The following NCALD variants were observed in gnomAD, a reference collection of about 807,000 sequenced individuals.
NCALD encodes neurocalcin delta, also known as neurocalcin-delta.
Under a neutral mutation model 18.6 loss-of-function variants are expected in NCALD, and 10 were observed. That is an observed-to-expected ratio of 0.54 (90% CI 0.33 to 0.91). NCALD has a LOEUF of 0.91. Among genes scored for constraint, NCALD ranks in the 40% least tolerant of loss-of-function variants. The pLI is 0.03. For missense variants in NCALD, 184 were observed against 247.6 expected (o/e 0.74, Z 1.72); for synonymous variants, 88 against 87.4 (o/e 1.01, Z -0.04).
At chr8:101,984,315 C>G (rs1274159145) in intron 2 of NCALD, among the ~76,000 whole-genome samples, 1 of 152,190 alleles carries the variant, frequency 6.6e-6, no homozygotes, top group Non-Finnish European at 1.5e-5. Flanking sequence ...TAGACTTCTT[C>G]CAACATAGGG....
chr8:102,054,209 A>C (rs887594736), intron 1 of NCALD, among the ~76,000 whole-genome samples: 1 of 152,194 alleles, frequency 6.6e-6, no homozygotes, highest in Non-Finnish European at 1.5e-5. Context: ...GGTTTACAAA[A>C]TGAATAGTGT....
chr8:101,818,134 C>A (rs753630994), intron 4 of NCALD, among the ~76,000 whole-genome samples: 1 of 152,094 alleles, frequency 6.6e-6, no homozygotes, highest in African/African-American at 2.4e-5. Flanking sequence ...AATTATAAAA[C>A]ATTATAAAGG....
chr8:101,728,409 C>A (rs985783744), intron 1 of NCALD, among the ~76,000 whole-genome samples: 6 of 152,214 alleles, frequency 3.9e-5, no homozygotes, highest in African/African-American at 1.4e-4. Flanking sequence ...AGCCTCAATG[C>A]AAACTGCACC....
chr8:102,095,042 T>C (rs1187259970), intron 1 of NCALD, among the ~76,000 whole-genome samples: 4 of 152,248 alleles, frequency 2.6e-5, no homozygotes, highest in Non-Finnish European at 4.4e-5. Context: ...TTCTAATTTG[T>C]TGCAGTAGCC....
chr8:101,793,142 A>G (rs1339127029), upstream of NCALD, among the ~76,000 whole-genome samples: 1 of 152,110 alleles, frequency 6.6e-6, no homozygotes, highest in East Asian at 1.9e-4. Flanking sequence ...CAAGGTCAGG[A>G]GATCAAGACC....
intron 1 of NCALD, among the ~76,000 whole-genome samples, chr8:101,730,373 G>A (rs527644150): frequency 4.4e-4 from 67 of 151,096 alleles, no homozygotes; most frequent in South Asian, 2.3e-3. Flanking sequence ...CCAGCTACTC[G>A]GGAGGCTGAG....
At chr8:101,972,225 T>G (rs1820266473) in intron 2 of NCALD, among the ~76,000 whole-genome samples, 1 of 152,190 alleles carries the variant, frequency 6.6e-6, no homozygotes, top group Non-Finnish European at 1.5e-5. Context: ...GCACCAGGAC[T>G]TCTGGAAAAG....
intron 2 of NCALD, among the ~76,000 whole-genome samples, chr8:101,696,511 G>C (rs1814999861): frequency 6.6e-6 from 1 of 152,162 alleles, no homozygotes; most frequent in Non-Finnish European, 1.5e-5. Flanking sequence ...CCATGTGGAA[G>C]CCCAGAGTGG....
At chr8:101,906,015 T>C (rs1303383857) in intron 3 of NCALD, among the ~76,000 whole-genome samples, 1 of 152,238 alleles carries the variant, frequency 6.6e-6, no homozygotes, top group Non-Finnish European at 1.5e-5. Flanking sequence ...ATGTGATTCA[T>C]TTATGCAAAT....
intron 1 of NCALD, among the ~76,000 whole-genome samples, chr8:101,721,912 G>T (rs1287188097): frequency 1.3e-5 from 2 of 151,180 alleles, no homozygotes; most frequent in African/African-American, 4.9e-5. Context: ...TGCAATCATG[G>T]CCCACTGCAG....
intron 2 of NCALD, among the ~76,000 whole-genome samples, chr8:101,941,167 C>A (rs1213842941): frequency 1.3e-5 from 2 of 152,204 alleles, no homozygotes; most frequent in Non-Finnish European, 1.5e-5. Flanking sequence ...GGTCCCCAAC[C>A]TTTATGACAC....
chr8:102,069,103 G>C (rs1225281241), intron 1 of NCALD, among the ~76,000 whole-genome samples: 1 of 151,904 alleles, frequency 6.6e-6, no homozygotes, highest in Non-Finnish European at 1.5e-5. Flanking sequence ...GAAGGAATAA[G>C]TTTTAGGGAT....
intron 1 of NCALD, among the ~76,000 whole-genome samples, chr8:101,735,653 A>T (rs35533892): frequency 0.033 from 5,016 of 152,348 alleles, 116 homozygotes; most frequent in Non-Finnish European, 0.05. Flanking sequence ...ATTTAACTGA[A>T]CATCCCGCAT....
chr8:102,056,412 G>A (rs934132988), intron 1 of NCALD, among the ~76,000 whole-genome samples: 15 of 152,160 alleles, frequency 9.9e-5, no homozygotes, highest in African/African-American at 3.6e-4. Context: ...GATAATATAT[G>A]CCTCCCTCAA....
intron 3 of NCALD, among the ~76,000 whole-genome samples, chr8:101,908,784 T>C (rs1166337851): frequency 6.6e-6 from 1 of 152,160 alleles, no homozygotes; most frequent in Non-Finnish European, 1.5e-5. Flanking sequence ...GCTACCTTTA[T>C]CCCTCAAGCT....
chr8:101,754,401 A>G (rs1810788217), intron 1 of NCALD, among the ~76,000 whole-genome samples: 1 of 152,164 alleles, frequency 6.6e-6, no homozygotes, highest in Admixed American at 6.5e-5. Context: ...AACAGCAGAA[A>G]TTTATTCCTC....
intron 1 of NCALD, among the ~76,000 whole-genome samples, chr8:101,725,760 A>T (rs565430846): frequency 1.1e-4 from 16 of 152,340 alleles, no homozygotes; most frequent in African/African-American, 3.8e-4. Flanking sequence ...CCCCTGTTGC[A>T]AGTCCCACAG....
intron 1 of NCALD, among the ~76,000 whole-genome samples, chr8:102,045,566 T>C (rs950189328): frequency 2.6e-5 from 4 of 152,222 alleles, no homozygotes; most frequent in African/African-American, 9.6e-5. Flanking sequence ...ATCATCACCA[T>C]TATCATCACC....
chr8:101,885,940 T>G (rs148934329), intron 4 of NCALD, among the ~76,000 whole-genome samples: 2 of 152,324 alleles, frequency 1.3e-5, no homozygotes, highest in African/African-American at 4.8e-5. Context: ...GGTTGTGATA[T>G]CCATAAATAG....
Sources: gnomAD v4.1 joint callset for allele counts (sites outside exome capture counted in the v4.1 genomes callset) on GRCh38, gnomAD v4.1.1 for gene constraint, MANE v1.5 for transcripts, NCBI Gene and HGNC (gene_info 2026-07-23, HGNC 2026-07-21) for gene names.